WDFY3: variants seen among roughly 807,000 people sequenced by gnomAD.
The protein encoded by WDFY3 is WD repeat and FYVE domain-containing protein 3.
Under a neutral mutation model 409.6 loss-of-function variants are expected in WDFY3, and 66 were observed. That is an observed-to-expected ratio of 0.16 (90% CI 0.13 to 0.20). The LOEUF (loss-of-function observed/expected upper bound fraction) is 0.20, where lower values mean the gene tolerates loss of function less well. Among genes scored for constraint, WDFY3 ranks in the 10% least tolerant of loss-of-function variants. The pLI is 1.00. For missense variants in WDFY3, 3,031 were observed against 4,298.1 expected, an observed-to-expected ratio of 0.71 and a Z score of 8.24; for synonymous variants, 1,521 against 1,537.1, an observed-to-expected ratio of 0.99 and a Z score of 0.25.
intron 4 of WDFY3, among the ~76,000 whole-genome samples, chr4:84,857,451 A>T (rs937166078): frequency 6.6e-6 from 1 of 152,174 alleles, no homozygotes; most frequent in Non-Finnish European, 1.5e-5. Context: ...TGCTCTAAAC[A>T]TTCTCATTAC....
At chr4:84,786,335 A>G (rs1326247271) in intron 23 of WDFY3, among the ~76,000 whole-genome samples, 196 bp from the exon 24 acceptor site, 1 of 152,214 alleles carries the variant, frequency 6.6e-6, no homozygotes, top group East Asian at 1.9e-4. Flanking sequence ...ATCTAGTCAT[A>G]GAGTTCTACA....
intron 5 of WDFY3, among the ~76,000 whole-genome samples, chr4:84,842,579 G>T (rs1449571241): frequency 6.6e-6 from 1 of 151,806 alleles, no homozygotes; most frequent in Non-Finnish European, 1.5e-5. Flanking sequence ...GGAGATCGAG[G>T]CCATCTTGGC....
rs770579352 is a variant in WDFY3 at position 84,737,267 on chromosome 4, A to G, written c.6674T>C (p.Val2225Ala). The change falls in exon 41 of 68, where the codon GTG (valine) becomes GCG (alanine). Residue 2225 changes from valine (V) to alanine (A), a missense_variant. By Grantham distance (64) the Val-to-Ala change is moderately conservative. Coordinates refer to ENST00000295888, the MANE Select transcript of WDFY3 (RefSeq NM_014991.6). ...LEELFKVTLP[V>A]NERGHVDIAT... ...TATGTCCACGTGGCCCCTTTCATTC[A>G]CAGGTAGAGTTACTTTGAAAAGTTC... The G allele has an allele frequency of 3.1e-6, 5 of 1,614,134 alleles. No homozygotes were observed. The South Asian group carries it at 5.5e-5, about 18-fold the overall frequency.
At chr4:84,843,382 T>C (rs752224832) in intron 5 of WDFY3, among the ~76,000 whole-genome samples, 3 of 152,216 alleles carry the variant, frequency 2.0e-5, no homozygotes, top group Non-Finnish European at 2.9e-5. Flanking sequence ...TTAAGAATAT[T>C]TCAAAGGCAT....
chr4:84,858,268 G>A (rs572885661), intron 4 of WDFY3, among the ~76,000 whole-genome samples: 18 of 152,196 alleles, frequency 1.2e-4, no homozygotes, highest in Middle Eastern at 3.4e-3. Context: ...CCCAGAAATT[G>A]AAGGTGACTG....
intron 32 of WDFY3, 60 bp from the exon 33 acceptor site, chr4:84,757,221 TAACA>T: frequency 6.8e-7 from 1 of 1,479,568 alleles, no homozygotes; most frequent in East Asian, 2.3e-5. Flanking sequence ...CATGCTGCAT[TAACA>T]AAGAAGGAAG....
At chr4:84,817,746 G>C (rs908436341) in intron 12 of WDFY3, among the ~76,000 whole-genome samples, 161 bp from the exon 13 acceptor site, 1 of 152,092 alleles carries the variant, frequency 6.6e-6, no homozygotes, top group Admixed American at 6.6e-5. Flanking sequence ...ATACAAATTT[G>C]CACAGTGGGT....
At chr4:84,698,218 T>A (rs1286879264) in intron 56 of WDFY3, among the ~76,000 whole-genome samples, 1 of 151,816 alleles carries the variant, frequency 6.6e-6, no homozygotes, top group African/African-American at 2.4e-5. Flanking sequence ...TATGCAATTT[T>A]AAAATGACAT....
In WDFY3 at chr4:84,679,105, C is replaced by T. The variant is rs139355199; in HGVS notation, c.9961G>A (p.Ala3321Thr). The change falls in exon 65 of 68, where the codon GCC (alanine) becomes ACC (threonine). Residue 3321 changes from alanine to threonine, a missense_variant. By Grantham distance (58) the Ala-to-Thr change is moderately conservative. Transcript: ENST00000295888. ...PRAASCRATA[A>T]WCTDSGSDDS... Reference sequence around the variant, plus strand: ...TCAGAGCCACTGTCAGTACACCAGGCGGCTGTTGCGCGGCAGGAGGCTGCC... The same window carrying T: ...TCAGAGCCACTGTCAGTACACCAGGTGGCTGTTGCGCGGCAGGAGGCTGCC... 27 of 1,614,072 alleles carry T rather than the reference C, an allele frequency of 1.7e-5. No individual in the cohort carries two copies. The highest frequency in any genetic ancestry group is 6.7e-5 in the East Asian group (3 of 44,884).
At chr4:84,766,209 T>G in intron 31 of WDFY3, 43 bp downstream of exon 31, 1 of 1,543,756 alleles carries the variant, frequency 6.5e-7, no homozygotes, top group Non-Finnish European at 8.8e-7. Flanking sequence ...AATTAACTAG[T>G]AGTAGCAACT....
intron 33 of WDFY3, 32 bp downstream of exon 33, chr4:84,756,894 A>C: frequency 6.3e-7 from 1 of 1,595,370 alleles, no homozygotes. Flanking sequence ...GGAATACGTA[A>C]TTTCACGCAC....
At chr4:84,712,268 C>G (rs1355660781) in intron 51 of WDFY3, among the ~76,000 whole-genome samples, 2 of 149,846 alleles carry the variant, frequency 1.3e-5, no homozygotes, top group Admixed American at 1.3e-4. Flanking sequence ...CAGCCTGATG[C>G]TGAGAATCGC....
intron 44 of WDFY3, 150 bp downstream of exon 44, chr4:84,733,232 A>G: frequency 1.1e-6 from 1 of 881,966 alleles, no homozygotes; most frequent in South Asian, 1.7e-5. Flanking sequence ...TTTTCACTCC[A>G]CCTCCACTCT....
intron 2 of WDFY3, among the ~76,000 whole-genome samples, chr4:84,926,975 AG>A (rs1257763590): frequency 1.3e-5 from 2 of 152,258 alleles, no homozygotes; most frequent in Non-Finnish European, 2.9e-5. Context: ...ACAAGTAAAA[AG>A]GAATACCACG....
chr4:84,770,888 AT>A (rs1216352617), intron 30 of WDFY3, among the ~76,000 whole-genome samples: 3 of 152,200 alleles, frequency 2.0e-5, no homozygotes, highest in Non-Finnish European at 2.9e-5. Flanking sequence ...TTCAGTGCAT[AT>A]CAAATAAATA....
chr4:84,928,479 G>A (rs760556545), intron 2 of WDFY3, among the ~76,000 whole-genome samples: 3 of 151,950 alleles, frequency 2.0e-5, no homozygotes, highest in Non-Finnish European at 4.4e-5. Flanking sequence ...ATATTCAATC[G>A]ATAGCCTGTC....
At chr4:84,875,620 C>A (rs774364801) in intron 3 of WDFY3, among the ~76,000 whole-genome samples, 1 of 152,168 alleles carries the variant, frequency 6.6e-6, no homozygotes, top group Admixed American at 6.5e-5. Context: ...TAGAATAACA[C>A]GTAGCTTAAA....
intron 2 of WDFY3, among the ~76,000 whole-genome samples, chr4:84,907,648 TA>T (rs1175239112): frequency 1.3e-5 from 2 of 152,198 alleles, no homozygotes; most frequent in Non-Finnish European, 2.9e-5. Flanking sequence ...TGTGAGATAA[TA>T]AATGCTTGGC....
At chr4:84,774,018 C>A (rs1218371933) in intron 29 of WDFY3, among the ~76,000 whole-genome samples, 1 of 152,144 alleles carries the variant, frequency 6.6e-6, no homozygotes, top group Non-Finnish European at 1.5e-5. Flanking sequence ...CTGCACCCGG[C>A]CCCCCAGGTT....
Sources: gnomAD v4.1 joint callset for allele counts (sites outside exome capture counted in the v4.1 genomes callset) on GRCh38, gnomAD v4.1.1 for gene constraint, MANE v1.5 for transcripts, NCBI Gene and HGNC (gene_info 2026-07-23, HGNC 2026-07-21) for gene names.